SCFD2: variants seen among roughly 807,000 people sequenced by gnomAD.
SCFD2 encodes the protein sec1 family domain containing 2.
A neutral mutation model predicts 58.9 loss-of-function variants in SCFD2; 54 were observed. The observed-to-expected ratio is 0.92, with a 90% CI of 0.74 to 1.15. The LOEUF (loss-of-function observed/expected upper bound fraction) is 1.15, where lower values mean the gene tolerates loss of function less well. SCFD2 is among the 50% of genes most tolerant of loss of function. SCFD2 has a pLI of 0.00. For missense variants in SCFD2, 805 were observed against 836.6 expected (o/e 0.96, Z 0.47); for synonymous variants, 321 against 335.9 (o/e 0.96, Z 0.49).
At chr4:53,342,890 A>C (rs1343832248) in intron 2 of SCFD2, among the ~76,000 whole-genome samples, 3 of 152,240 alleles carry the variant, frequency 2.0e-5, no homozygotes, top group Non-Finnish European at 2.9e-5. Flanking sequence ...GGCAGAAATA[A>C]AGATGTTCTT....
chr4:53,067,722 C>G (rs932494665), intron 5 of SCFD2, among the ~76,000 whole-genome samples: 1 of 152,070 alleles, frequency 6.6e-6, no homozygotes, highest in African/African-American at 2.4e-5. Context: ...CTCAGCCATG[C>G]TGAACTGTGA....
intron 5 of SCFD2, among the ~76,000 whole-genome samples, chr4:52,929,049 G>C (rs528300913): frequency 4.9e-4 from 75 of 152,274 alleles, no homozygotes; most frequent in Non-Finnish European, 7.6e-4. Context: ...TTCCAAAAAG[G>C]CTACTTGAGA....
At chr4:52,894,398 A>G (rs1028767080) in intron 7 of SCFD2, among the ~76,000 whole-genome samples, 7 of 152,218 alleles carry the variant, frequency 4.6e-5, no homozygotes, top group African/African-American at 1.7e-4. Context: ...TGGAGTAGAT[A>G]GAAAATAAAT....
At chr4:53,207,157 A>T (rs1345532331) in intron 4 of SCFD2, among the ~76,000 whole-genome samples, 1 of 151,858 alleles carries the variant, frequency 6.6e-6, no homozygotes, top group African/African-American at 2.4e-5. Flanking sequence ...TTAATCCATT[A>T]GTGACGGTTT....
intron 4 of SCFD2, among the ~76,000 whole-genome samples, chr4:53,248,648 C>A (rs1043870592): frequency 1.3e-5 from 2 of 152,200 alleles, no homozygotes; most frequent in Non-Finnish European, 2.9e-5. Context: ...GGGAGACACC[C>A]CCCAGTAGGG....
rs564811360 is a variant in SCFD2 at position 52,986,366 on chromosome 4, A to T, written c.1562-65496T>A. Among the ~76,000 whole-genome samples the T allele has an allele frequency of 5.5e-4, 84 of 152,168 alleles. 1 individual carries two copies. In the South Asian group the frequency reaches 5.8e-3, roughly 11 times the overall value. Reference sequence around the variant, plus strand: ...CTAATAATGACGGTGCAAGTTCAAAATTACTCTGAGCTTGTGATAGAAGTC... The same window carrying T: ...CTAATAATGACGGTGCAAGTTCAAATTTACTCTGAGCTTGTGATAGAAGTC... On this transcript the variant is annotated intron_variant, in intron 5 of 8. Transcript: ENST00000401642.
intron 3 of SCFD2, among the ~76,000 whole-genome samples, chr4:53,274,650 G>A (rs1439385580): frequency 6.6e-6 from 1 of 152,156 alleles, no homozygotes; most frequent in African/African-American, 2.4e-5. Flanking sequence ...CCTCATAAAA[G>A]CATAGAGACT....
At chr4:53,201,867 G>A (rs960622101) in intron 4 of SCFD2, among the ~76,000 whole-genome samples, 1 of 152,022 alleles carries the variant, frequency 6.6e-6, no homozygotes, top group African/African-American at 2.4e-5. Flanking sequence ...CTTTTTGATG[G>A]GGTTGTTTGA....
intron 5 of SCFD2, among the ~76,000 whole-genome samples, chr4:53,124,071 C>G (rs1297463289): frequency 1.3e-5 from 2 of 152,158 alleles, no homozygotes; most frequent in African/African-American, 4.8e-5. Flanking sequence ...GGGGTCAGGG[C>G]TTTGTCCTAT....
At chr4:52,900,786 C>T (rs1292964327) in intron 7 of SCFD2, among the ~76,000 whole-genome samples, 1 of 152,230 alleles carries the variant, frequency 6.6e-6, no homozygotes, top group African/African-American at 2.4e-5. Context: ...TGGTGGGCTC[C>T]TCCCAGTTCG....
intron 5 of SCFD2, among the ~76,000 whole-genome samples, chr4:53,012,686 C>T (rs982282160): frequency 6.6e-6 from 1 of 152,126 alleles, no homozygotes; most frequent in Admixed American, 6.6e-5. Context: ...CAGTGCTTTT[C>T]TGGTACTGCT....
intron 5 of SCFD2, among the ~76,000 whole-genome samples, chr4:52,992,748 C>G (rs985787808): frequency 2.0e-5 from 3 of 151,884 alleles, no homozygotes; most frequent in African/African-American, 7.3e-5. Context: ...CCCCTCCGCC[C>G]GGCAGCCGCC....
At chr4:53,285,837 T>C (rs374276534) in intron 3 of SCFD2, among the ~76,000 whole-genome samples, 23 of 152,154 alleles carry the variant, frequency 1.5e-4, no homozygotes, top group South Asian at 1.5e-3. Context: ...CCAGAGAACA[T>C]TGCAGTCCTC....
chr4:53,288,815 A>AT (rs1731749513), intron 3 of SCFD2, among the ~76,000 whole-genome samples: 1 of 152,228 alleles, frequency 6.6e-6, no homozygotes, highest in African/African-American at 2.4e-5. Context: ...CAAAGTATAA[A>AT]ACTCACTGGT....
At chr4:53,147,958 TAAAAG>T (rs1201754613) in intron 4 of SCFD2, among the ~76,000 whole-genome samples, 11 of 152,122 alleles carry the variant, frequency 7.2e-5, no homozygotes. Flanking sequence ...AAAAGTAATT[TAAAAG>T]AAAAGAGTCC....
intron 5 of SCFD2, among the ~76,000 whole-genome samples, chr4:53,131,596 G>A (rs976600514): frequency 6.6e-6 from 1 of 152,192 alleles, no homozygotes; most frequent in Non-Finnish European, 1.5e-5. Flanking sequence ...CCATAGAATG[G>A]CAGAGAAAGA....
At chr4:53,217,900 G>A (rs1191872075) in intron 4 of SCFD2, among the ~76,000 whole-genome samples, 1 of 152,160 alleles carries the variant, frequency 6.6e-6, no homozygotes, top group African/African-American at 2.4e-5. Flanking sequence ...CTTCACTTAT[G>A]AAGCTTAGTT....
chr4:53,128,321 C>T (rs1560348089), intron 5 of SCFD2, among the ~76,000 whole-genome samples: 1 of 152,186 alleles, frequency 6.6e-6, no homozygotes, highest in South Asian at 2.1e-4. Flanking sequence ...ACAGCTTCAA[C>T]ACTTCCATTC....
At chr4:53,344,972 A>G (rs1239879479) in intron 2 of SCFD2, among the ~76,000 whole-genome samples, 6 of 152,148 alleles carry the variant, frequency 3.9e-5, no homozygotes, top group Admixed American at 6.5e-5. Context: ...AGACTTAAAT[A>G]TTAGGCCTAA....
Sources: allele counts gnomAD v4.1 joint callset (sites outside exome capture counted in the v4.1 genomes callset), GRCh38; gene constraint gnomAD v4.1.1; transcripts MANE v1.5; gene names NCBI Gene and HGNC (gene_info 2026-07-23, HGNC 2026-07-21).